NALF1: variants seen among roughly 807,000 people sequenced by gnomAD.
NALF1 encodes family with sequence similarity 155 member A.
In NALF1, 3 loss-of-function variants were observed where a neutral mutation model predicts 48.4. The observed-to-expected ratio is 0.06, with a 90% CI of 0.03 to 0.16. The LOEUF is 0.16. NALF1 is among the 10% of genes least tolerant of loss of function. The pLI is 1.00. For synonymous variants in NALF1, 262 were observed against 245.7 expected, an observed-to-expected ratio of 1.07 and a Z score of -0.62; for missense variants, 526 against 571.5, an observed-to-expected ratio of 0.92 and a Z score of 0.81.
intron 1 of NALF1, among the ~76,000 whole-genome samples, chr13:107,539,758 G>A (rs1046622917): frequency 1.3e-5 from 2 of 152,016 alleles, no homozygotes; most frequent in African/African-American, 4.8e-5. Context: ...TAAATCATAT[G>A]ACTTATATGT....
chr13:107,681,755 C>T (rs1480949006), intron 1 of NALF1, among the ~76,000 whole-genome samples: 5 of 152,170 alleles, frequency 3.3e-5, no homozygotes, highest in Non-Finnish European at 5.9e-5. Flanking sequence ...GCCCAAAGGA[C>T]GGTAAATCCC....
Position 107,725,842 on chromosome 13 carries a change from A to G in NALF1, c.915+139840T>C, listed in dbSNP as rs543466308. 2.6e-5 allele frequency among the ~76,000 whole-genome samples: 4 copies of G among 152,352 alleles called. No homozygotes were observed. In the South Asian group the frequency reaches 8.3e-4, roughly 32 times the overall value. ...GAGTGGCCATAAAGTTCCAGATTAC[A>G]AGGAAATTCAACCGTTTTGGTTTTG... On this transcript the variant is annotated intron_variant, in intron 1 of 2. Transcript: ENST00000375915.
intron 1 of NALF1, among the ~76,000 whole-genome samples, chr13:107,573,624 G>C (rs1020096115): frequency 6.6e-6 from 1 of 152,072 alleles, no homozygotes; most frequent in Non-Finnish European, 1.5e-5. Flanking sequence ...GATATGATTT[G>C]GTTGTGTCCC....
At chr13:107,759,534 A>G (rs1311320761) in intron 1 of NALF1, among the ~76,000 whole-genome samples, 5 of 152,162 alleles carry the variant, frequency 3.3e-5, no homozygotes, top group Non-Finnish European at 5.9e-5. Flanking sequence ...TTGCAAATGC[A>G]TCTGGTTCTC....
rs544368707 is a variant in NALF1, at chr13:107,432,137, G to A, written c.916-221382C>T. Among the ~76,000 whole-genome samples, 5 of 152,234 alleles carry A rather than the reference G, an allele frequency of 3.3e-5. No individual in the cohort carries two copies. The South Asian group carries it at 1.0e-3, about 32-fold the overall frequency. On this transcript the variant is annotated intron_variant, in intron 1 of 2. Transcript: ENST00000375915. Reference sequence around the variant, plus strand: ...AGGAAGCTTTCAAACATGGCAGAAGGTGAAGGGGGAGCAGGCATCTCACTT... The same window carrying A: ...AGGAAGCTTTCAAACATGGCAGAAGATGAAGGGGGAGCAGGCATCTCACTT...
chr13:107,384,817 A>G (rs924339576), intron 1 of NALF1, among the ~76,000 whole-genome samples: 1 of 152,236 alleles, frequency 6.6e-6, no homozygotes, highest in African/African-American at 2.4e-5. Context: ...TAAACCAAAC[A>G]CATGTGTTAC....
At chr13:107,381,237 G>A (rs1051648724) in intron 1 of NALF1, among the ~76,000 whole-genome samples, 7 of 147,762 alleles carry the variant, frequency 4.7e-5, no homozygotes, top group Non-Finnish European at 1.0e-4. Flanking sequence ...TTCTTGCTCT[G>A]TTGCCCAGGC....
intron 1 of NALF1, among the ~76,000 whole-genome samples, chr13:107,372,104 C>A (rs957752571): frequency 1.1e-4 from 16 of 149,490 alleles, no homozygotes; most frequent in African/African-American, 3.4e-4. Flanking sequence ...ATAGCCTGCA[C>A]AGCCGCAGAA....
chr13:107,837,579 G>A (rs1879931278), intron 1 of NALF1, among the ~76,000 whole-genome samples: 1 of 152,278 alleles, frequency 6.6e-6, no homozygotes, highest in African/African-American at 2.4e-5. Context: ...CCTGAAAAGA[G>A]AGGGGAGATG....
intron 1 of NALF1, among the ~76,000 whole-genome samples, chr13:107,454,968 G>C (rs548023397): frequency 4.0e-4 from 61 of 152,290 alleles, no homozygotes; most frequent in African/African-American, 1.4e-3. Flanking sequence ...TCGACTTTGT[G>C]TCCCACCCAC....
chr13:107,698,906 T>C (rs1566448081), intron 1 of NALF1, among the ~76,000 whole-genome samples: 2 of 152,070 alleles, frequency 1.3e-5, no homozygotes, highest in Admixed American at 6.6e-5. Context: ...GTCATCAGCA[T>C]TGGGAATATC....
At chr13:107,616,843 T>C (rs1374916945) in intron 1 of NALF1, among the ~76,000 whole-genome samples, 1 of 152,184 alleles carries the variant, frequency 6.6e-6, no homozygotes, top group South Asian at 2.1e-4. Context: ...TGCATCCACC[T>C]GCTCCTGGAT....
chr13:107,584,478 C>A (rs1424617114), intron 1 of NALF1, among the ~76,000 whole-genome samples: 1 of 152,118 alleles, frequency 6.6e-6, no homozygotes, highest in Non-Finnish European at 1.5e-5. Flanking sequence ...AGTTTAACAT[C>A]ATAAATCAAA....
intron 1 of NALF1, among the ~76,000 whole-genome samples, chr13:107,430,518 C>T (rs1884359793): frequency 6.6e-6 from 1 of 152,072 alleles, no homozygotes; most frequent in Non-Finnish European, 1.5e-5. Context: ...TCTCACTGTT[C>T]AATTCCCACC....
At chr13:107,250,377 A>G (rs9520343) in intron 1 of NALF1, among the ~76,000 whole-genome samples, 10 of 152,156 alleles carry the variant, frequency 6.6e-5, no homozygotes, top group African/African-American at 9.7e-5. Context: ...AAGTATTCAA[A>G]ATATTGCCCT....
intron 1 of NALF1, among the ~76,000 whole-genome samples, chr13:107,850,289 T>C (rs1249912627): frequency 2.6e-5 from 4 of 152,194 alleles, no homozygotes; most frequent in African/African-American, 9.7e-5. Context: ...AATAAAAAGA[T>C]AAAATTTGAT....
At chr13:107,655,601 AT>A (rs1330512379) in intron 1 of NALF1, among the ~76,000 whole-genome samples, 1 of 152,112 alleles carries the variant, frequency 6.6e-6, no homozygotes, top group Non-Finnish European at 1.5e-5. Context: ...AAATCTACAA[AT>A]TCAAAGCAAT....
chr13:107,622,257 C>T (rs982777436), intron 1 of NALF1, among the ~76,000 whole-genome samples: 2 of 151,758 alleles, frequency 1.3e-5, no homozygotes, highest in African/African-American at 2.4e-5. Flanking sequence ...GGAGAAACCC[C>T]GTCTCTACTA....
intron 1 of NALF1, among the ~76,000 whole-genome samples, chr13:107,249,164 TTA>T (rs1017688882): frequency 3.9e-5 from 6 of 152,038 alleles, no homozygotes; most frequent in Non-Finnish European, 8.8e-5. Context: ...TGGCAGAAAA[TTA>T]TTCAGATTAC....
Sources: gnomAD v4.1 joint callset for allele counts (sites outside exome capture counted in the v4.1 genomes callset) on GRCh38, gnomAD v4.1.1 for gene constraint, MANE v1.5 for transcripts, NCBI Gene and HGNC (gene_info 2026-07-23, HGNC 2026-07-21) for gene names.